MYO10: variants seen among roughly 807,000 people sequenced by gnomAD.
MYO10 encodes the protein unconventional myosin-X.
A neutral mutation model predicts 257.3 loss-of-function variants in MYO10; 133 were observed. The ratio of observed to expected loss-of-function variants is 0.52; its 90% CI spans 0.45 to 0.60. MYO10 has a LOEUF of 0.60. Ranked by LOEUF, MYO10 falls within the 20% of genes least tolerant of loss-of-function variation. The probability of loss-of-function intolerance (pLI) is 0.00; values close to 1 mark genes in which losing one functional copy is unlikely to be tolerated. For synonymous variants in MYO10, 1,104 were observed against 1,028.6 expected (o/e 1.07, Z -1.40); for missense variants, 2,399 against 2,635.7 (o/e 0.91, Z 1.97).
chr5:16,872,944 A>G (rs1385364556), intron 2 of MYO10, among the ~76,000 whole-genome samples: 2 of 152,174 alleles, frequency 1.3e-5, no homozygotes, highest in African/African-American at 2.4e-5. Flanking sequence ...AGATTTGGGT[A>G]GGGACACAGG....
intron 39 of MYO10, among the ~76,000 whole-genome samples, chr5:16,669,645 G>A (rs953918440): frequency 6.6e-6 from 1 of 152,140 alleles, no homozygotes; most frequent in African/African-American, 2.4e-5. Flanking sequence ...CTTAAAAACA[G>A]GCATAATTGA....
Position 16,668,330 on chromosome 5 carries a change from T to G in MYO10, c.6022A>C (p.Asn2008His), listed in dbSNP as rs764318073. The part of the protein sequence containing the change: ...HILSFGAPLA[N>H]TYKIVVDERE... Reference sequence around the variant, plus strand: ...TCATCGACCACGATCTTATACGTATTCGCCAGGGGTGCCCCAAAAGAGAGG... The same window carrying G: ...TCATCGACCACGATCTTATACGTATGCGCCAGGGGTGCCCCAAAAGAGAGG... Residue 2008 changes from asparagine to histidine, a missense_variant, in exon 40 of 41, where the codon AAT (asparagine) becomes CAT (histidine). Coordinates refer to ENST00000513610, the MANE Select transcript of MYO10 (RefSeq NM_012334.3). 8 of 1,613,884 alleles carry G rather than the reference T, an allele frequency of 5.0e-6. No individual in the cohort carries two copies. The East Asian group carries it at 1.8e-4, about 36-fold the overall frequency.
chr5:16,824,644 G>A lies in MYO10; in HGVS notation c.121-6477C>T, dbSNP rs150223489. 6.1e-3 allele frequency among the ~76,000 whole-genome samples: 935 copies of A among 152,254 alleles called. 10 individuals are homozygous for A. Among genetic ancestry groups the A allele is most frequent in the African/African-American group, 0.021 (874 of 41,548 alleles). ...AGCACTTTGGGAGGTCAAGGCAGGC[G>A]AATCACGAGGTCAAGAGATTGAGAC... On this transcript the variant is annotated intron_variant, in intron 2 of 40. Transcript: ENST00000513610.
At chr5:16,712,784 T>C (rs768854673) in intron 19 of MYO10, among the ~76,000 whole-genome samples, 1 of 152,240 alleles carries the variant, frequency 6.6e-6, no homozygotes, top group Non-Finnish European at 1.5e-5. Context: ...TATTTAGCAG[T>C]ATTCCAAACA....
At chr5:16,867,559 T>G (rs973918591) in intron 2 of MYO10, among the ~76,000 whole-genome samples, 2 of 152,150 alleles carry the variant, frequency 1.3e-5, no homozygotes, top group African/African-American at 4.8e-5. Flanking sequence ...GAGAAGTCAC[T>G]ACATTAACTC....
rs779897693 is a variant in MYO10, at chr5:16,794,783, G to A, written c.330C>T (p.Ala110=). ...LASVNPYQPI[A]GLYEPATMEQ... is the part of the protein sequence containing the mutation. Reference sequence around the variant, plus strand: ...CCATGGTGGCAGGCTCGTACAGCCCGGCGATGGGCTGGTAGGGGTTCACGG... The same window carrying A: ...CCATGGTGGCAGGCTCGTACAGCCCAGCGATGGGCTGGTAGGGGTTCACGG... The change falls in exon 4 of 41, where the codon GCC becomes GCT. Residue 110 remains alanine (A), a synonymous_variant. Transcript: ENST00000513610. The A allele has an allele frequency of 1.0e-5, 16 of 1,601,158 alleles. No homozygotes were observed. Among genetic ancestry groups the A allele is most frequent in the South Asian group, 2.2e-5 (2 of 89,030 alleles).
At chr5:16,899,532 G>A (rs1745315250) in intron 1 of MYO10, among the ~76,000 whole-genome samples, 2 of 151,170 alleles carry the variant, frequency 1.3e-5, no homozygotes, top group Non-Finnish European at 2.9e-5. Context: ...AGCTACTCAG[G>A]AGGCTAAGGC....
chr5:16,717,484 G>A (rs1236602081), intron 19 of MYO10, among the ~76,000 whole-genome samples: 2 of 152,206 alleles, frequency 1.3e-5, no homozygotes, highest in African/African-American at 4.8e-5. Context: ...TAATACAGGC[G>A]ACTTAAAGAT....
rs2126553479 is a variant in MYO10 at position 16,701,949 on chromosome 5, C to T, written c.2557-111G>A. 1.6e-6 allele frequency: 2 copies of T among 1,277,504 alleles called. No individual in the cohort carries two copies. The highest frequency in any genetic ancestry group is 2.3e-4 in the Middle Eastern group (1 of 4,398). The allele number at this position is 1,277,504 out of a possible 1,614,324, so 79.1% of individuals were successfully genotyped here. A position where few individuals can be genotyped will look rare whatever the true frequency, so the allele number is the denominator to read the frequency against. On this transcript the variant is annotated intron_variant, in intron 24 of 40. Coordinates refer to ENST00000513610, the MANE Select transcript of MYO10 (RefSeq NM_012334.3). This position sits in a 1 kb window ranked among gnomAD's most constrained non-coding sequence, Gnocchi z 8.1. ...GGTCATTATGAGTTGGACTGTGTCCCCATAAAGTCTATAGGTTGAAGTCCT... is the reference window on the plus strand; with the variant it reads ...GGTCATTATGAGTTGGACTGTGTCCTCATAAAGTCTATAGGTTGAAGTCCT...
chr5:16,699,731 G>A (rs1418146986), intron 25 of MYO10, 158 bp from the exon 26 acceptor site: 3 of 693,254 alleles, frequency 4.3e-6, no homozygotes, highest in East Asian at 4.4e-5. Context: ...TGACTGCACT[G>A]AGCAGAGATC....
intron 19 of MYO10, 67 bp downstream of exon 19, chr5:16,754,761 G>A (rs1740478928): frequency 3.3e-6 from 4 of 1,202,774 alleles, no homozygotes; most frequent in East Asian, 2.5e-5. Flanking sequence ...CCAAATCTGT[G>A]AGTAACCACC....
At chr5:16,888,889 G>A (rs1325287024) in intron 1 of MYO10, among the ~76,000 whole-genome samples, 1 of 150,064 alleles carries the variant, frequency 6.7e-6, no homozygotes, top group Non-Finnish European at 1.5e-5. Context: ...CAATAGGCCA[G>A]GCCAGGCAAT....
chr5:16,934,556 G>A (rs565614401), intron 1 of MYO10, among the ~76,000 whole-genome samples: 3 of 152,308 alleles, frequency 2.0e-5, no homozygotes, highest in South Asian at 4.1e-4. Context: ...TAGAAAATGC[G>A]AGCGTCTCAC....
chr5:16,861,421 A>C (rs1273029310), intron 2 of MYO10, among the ~76,000 whole-genome samples: 1 of 152,072 alleles, frequency 6.6e-6, no homozygotes, highest in Non-Finnish European at 1.5e-5. Context: ...AAATAAAAAA[A>C]TTAGCAAGGC....
intron 2 of MYO10, among the ~76,000 whole-genome samples, chr5:16,848,684 A>AC (rs1743714032): frequency 6.6e-6 from 1 of 152,026 alleles, no homozygotes; most frequent in African/African-American, 2.4e-5. Context: ...CTACGGATGG[A>AC]CGGCAGAAGG....
intron 2 of MYO10, among the ~76,000 whole-genome samples, chr5:16,859,113 C>G (rs556930799): frequency 7.9e-5 from 12 of 152,318 alleles, no homozygotes; most frequent in African/African-American, 2.6e-4. Flanking sequence ...GGCAGGGGTA[C>G]CCCTGGAGTA....
chr5:16,861,844 C>G (rs963871198), intron 2 of MYO10, among the ~76,000 whole-genome samples: 1 of 152,094 alleles, frequency 6.6e-6, no homozygotes, highest in Non-Finnish European at 1.5e-5. Flanking sequence ...CTATCACTCC[C>G]CACTAGCCAG....
intron 2 of MYO10, among the ~76,000 whole-genome samples, chr5:16,826,150 G>A (rs994925579): frequency 2.0e-5 from 3 of 150,238 alleles, no homozygotes; most frequent in Non-Finnish European, 3.0e-5. Context: ...ACTCAGTCTC[G>A]AAAAACAAAA....
chr5:16,804,497 T>C (rs912503257), intron 3 of MYO10, among the ~76,000 whole-genome samples: 4 of 152,218 alleles, frequency 2.6e-5, no homozygotes, highest in Admixed American at 6.5e-5. Flanking sequence ...ACATGACAAA[T>C]GGCACTTCTG....
Sources: gnomAD v4.1 joint callset for allele counts (sites outside exome capture counted in the v4.1 genomes callset) on GRCh38, gnomAD v4.1.1 for gene constraint, Gnocchi (gnomAD v3.1) non-coding constraint, MANE v1.5 for transcripts, NCBI Gene and HGNC (gene_info 2026-07-23, HGNC 2026-07-21) for gene names.